NPC1: variants seen among roughly 807,000 people sequenced by gnomAD.
NPC1 encodes the protein NPC intracellular cholesterol transporter 1, also known as Niemann-Pick C1 protein.
In NPC1, 85 loss-of-function variants were observed where a neutral mutation model predicts 140.4. The ratio of observed to expected loss-of-function variants is 0.61; its 90% CI spans 0.51 to 0.72. The LOEUF (loss-of-function observed/expected upper bound fraction) is 0.72. NPC1 is among the 30% of genes least tolerant of loss of function. The probability of loss-of-function intolerance (pLI) is 0.00; values close to 1 mark genes in which losing one functional copy is unlikely to be tolerated. For missense variants in NPC1, 1,504 were observed against 1,623.8 expected, an observed-to-expected ratio of 0.93 and a Z score of 1.27; for synonymous variants, 656 against 624.8, an observed-to-expected ratio of 1.05 and a Z score of -0.74.
At chr18:23,532,779 C>A in intron 24 of NPC1, 1 of 565,164 alleles carries the variant, frequency 1.8e-6, no homozygotes, top group African/African-American at 2.1e-5. Context: ...TGATAAAAAG[C>A]CCCTCATTTT....
At chr18:23,564,087 CA>C (rs1671316681) in intron 4 of NPC1, among the ~76,000 whole-genome samples, 1 of 144,712 alleles carries the variant, frequency 6.9e-6, no homozygotes, top group South Asian at 2.3e-4. Flanking sequence ...CAGGCTGAAG[CA>C]ATTCTCCTGC....
At chr18:23,531,107 C>G (rs1788824), downstream of NPC1, among the ~76,000 whole-genome samples, 546 of 152,164 alleles carry the variant, frequency 3.6e-3, 4 homozygotes, top group African/African-American at 0.013. Context: ...TCTTCTGCCT[C>G]AGCCTCCTGA....
At chr18:23,531,031 G>A (rs764989912), downstream of NPC1, among the ~76,000 whole-genome samples, 11 of 152,054 alleles carry the variant, frequency 7.2e-5, no homozygotes, top group South Asian at 2.1e-4. Flanking sequence ...GTCTCGCTCC[G>A]TTGCCCAGGC....
Position 23,532,155 on chromosome 18 carries a change from C to T in NPC1, c.*47G>A, listed in dbSNP as rs2145324498. 1 of 1,614,086 alleles carries T rather than the reference C, an allele frequency of 6.2e-7. No individual in the cohort carries two copies. The highest frequency in any genetic ancestry group is 2.2e-5 in the East Asian group (1 of 44,872). On this transcript the variant is annotated 3_prime_UTR_variant, in exon 25 of 25. Transcript: ENST00000269228. ...GATGCAGCACCCGTCCAGTGGTAAACCGACCGACCCTTAGACACAGTTCAG... is the reference window on the plus strand; with the variant it reads ...GATGCAGCACCCGTCCAGTGGTAAATCGACCGACCCTTAGACACAGTTCAG...
intron 1 of NPC1, among the ~76,000 whole-genome samples, chr18:23,582,972 G>C (rs760326616): frequency 1.3e-5 from 2 of 152,028 alleles, no homozygotes; most frequent in Non-Finnish European, 2.9e-5. Context: ...AGTTGGGCAT[G>C]GTGGCATGCA....
At chr18:23,557,671 G>A (rs943928240) in intron 6 of NPC1, among the ~76,000 whole-genome samples, 3 of 152,328 alleles carry the variant, frequency 2.0e-5, no homozygotes, top group South Asian at 2.1e-4. Flanking sequence ...GAACCAGGGA[G>A]GCGGTGGTTG....
chr18:23,584,182 A>G (rs1269488229), intron 1 of NPC1, among the ~76,000 whole-genome samples: 2 of 152,172 alleles, frequency 1.3e-5, no homozygotes, highest in African/African-American at 4.8e-5. Flanking sequence ...AAAAGCAAAA[A>G]TCCCCCCAAC....
intron 3 of NPC1, among the ~76,000 whole-genome samples, chr18:23,507,707 A>T (rs2057750535): frequency 6.6e-6 from 1 of 152,170 alleles, no homozygotes; most frequent in Admixed American, 6.5e-5. Flanking sequence ...CATTTCTCTG[A>T]CATCAGCTGC....
chr18:23,539,576 A>G, intron 18 of NPC1, 106 bp from the exon 19 acceptor site: 1 of 857,468 alleles, frequency 1.2e-6, no homozygotes. Flanking sequence ...TTATACTGCT[A>G]ACAGTCAAAA....
intron 2 of NPC1, among the ~76,000 whole-genome samples, chr18:23,572,860 C>T (rs570212514): frequency 8.5e-5 from 13 of 152,146 alleles, no homozygotes; most frequent in Admixed American, 5.9e-4. Flanking sequence ...AGAAAAGAAA[C>T]GAACAAGTGA....
At chr18:23,554,134 G>A (rs560298957) in intron 9 of NPC1, among the ~76,000 whole-genome samples, 86 of 152,218 alleles carry the variant, frequency 5.6e-4, no homozygotes, top group African/African-American at 1.8e-3. Flanking sequence ...TGGTTCTGCC[G>A]GGAACTCTCA....
intron 4 of NPC1, among the ~76,000 whole-genome samples, chr18:23,562,435 T>C (rs2059056920): frequency 6.6e-6 from 1 of 152,056 alleles, no homozygotes; most frequent in Non-Finnish European, 1.5e-5. Context: ...TCCTGTACTG[T>C]CGATTCTCAT....
At chr18:23,530,579 C>A (rs944196369), downstream of NPC1, 15 of 1,614,046 alleles carry the variant, frequency 9.3e-6, no homozygotes, top group Non-Finnish European at 1.2e-5. Flanking sequence ...ACAGCGAAAC[C>A]AGCGTTTGCG....
intron 6 of NPC1, among the ~76,000 whole-genome samples, chr18:23,558,959 G>A (rs2058995532): frequency 6.6e-6 from 1 of 152,052 alleles, no homozygotes; most frequent in African/African-American, 2.4e-5. Context: ...ACCTATGAGT[G>A]AGAACATGCG....
intron 1 of NPC1, among the ~76,000 whole-genome samples, chr18:23,580,353 T>C (rs2059342750): frequency 6.6e-6 from 1 of 152,198 alleles, no homozygotes; most frequent in Non-Finnish European, 1.5e-5. Context: ...CAGTGATGTA[T>C]CCTCAGAATT....
intron 21 of NPC1, among the ~76,000 whole-genome samples, chr18:23,536,268 C>A (rs2058629066): frequency 6.6e-6 from 1 of 152,124 alleles, no homozygotes; most frequent in Non-Finnish European, 1.5e-5. Context: ...GAAAAAAAAC[C>A]CCTAACAATA....
chr18:23,533,210 A>C lies in NPC1; in HGVS notation c.3754+145T>G. 3.2e-6 allele frequency: 3 copies of C among 951,978 alleles called. No individual in the cohort carries two copies. In the East Asian group the frequency reaches 7.9e-5, roughly 25 times the overall value. 59.0% of individuals were successfully genotyped at this position (951,978 alleles called of 1,614,324 possible). A position where few individuals can be genotyped will look rare whatever the true frequency, so the allele number is the denominator to read the frequency against. The stretch of plus-strand genomic sequence containing the variant: ...CCCCTGGATGGGTTTTTTCTTTTAG[A>C]AGAAATTTTTTTACTCAGTATCATT... On this transcript the variant is annotated intron_variant, in intron 24 of 24. Coordinates refer to ENST00000269228, the MANE Select transcript of NPC1 (RefSeq NM_000271.5).
At chr18:23,526,650 C>A (rs768755307), downstream of NPC1, 3 of 1,613,986 alleles carry the variant, frequency 1.9e-6, no homozygotes, top group Middle Eastern at 4.9e-4. Context: ...ACCTCTGGAA[C>A]CTCCAAGTGA....
chr18:23,517,121 T>C (rs1193293790), intron 3 of NPC1, among the ~76,000 whole-genome samples: 1 of 152,164 alleles, frequency 6.6e-6, no homozygotes, highest in East Asian at 1.9e-4. Context: ...CTAAATTACG[T>C]ATATATAGAG....
Sources: allele counts gnomAD v4.1 joint callset (sites outside exome capture counted in the v4.1 genomes callset), GRCh38; gene constraint gnomAD v4.1.1; transcripts MANE v1.5; gene names NCBI Gene and HGNC (gene_info 2026-07-23, HGNC 2026-07-21).